The following CSMD1 variants were observed in gnomAD, a reference collection of about 807,000 sequenced individuals.
The protein encoded by CSMD1 is CUB and sushi domain-containing protein 1.
CSMD1 carries 213 observed loss-of-function variants against 417.5 expected under a neutral mutation model. That is an observed-to-expected ratio of 0.51 (90% confidence interval 0.46 to 0.57). CSMD1 has a LOEUF of 0.57. CSMD1 is among the 20% of genes least tolerant of loss of function. The probability of loss-of-function intolerance (pLI) is 0.00; values close to 1 mark genes in which losing one functional copy is unlikely to be tolerated. For synonymous variants in CSMD1, 2,862 were observed against 1,736.8 expected (o/e 1.65, Z -16.11); for missense variants, 6,923 against 4,529.7 (o/e 1.53, Z -15.17).
intron 1 of CSMD1, among the ~76,000 whole-genome samples, chr8:4,858,113 C>T (rs548056824): frequency 2.0e-3 from 307 of 151,520 alleles, no homozygotes; most frequent in Non-Finnish European, 3.4e-3. Flanking sequence ...GTTCAATATA[C>T]GCAAATCAAT....
intron 3 of CSMD1, among the ~76,000 whole-genome samples, chr8:4,061,892 T>C (rs767071672): frequency 6.6e-6 from 1 of 152,172 alleles, no homozygotes; most frequent in South Asian, 2.1e-4. Context: ...CTGAGCATAC[T>C]GGTAAAGTGA....
At chr8:3,106,045 G>T (rs989070578) in intron 46 of CSMD1, among the ~76,000 whole-genome samples, 1 of 152,084 alleles carries the variant, frequency 6.6e-6, no homozygotes, top group Admixed American at 6.6e-5. Flanking sequence ...AGCATCATTA[G>T]ATATTTCTGT....
chr8:3,091,757 G>T, intron 47 of CSMD1, 95 bp from the exon 48 acceptor site: 1 of 1,032,666 alleles, frequency 9.7e-7, no homozygotes, highest in East Asian at 2.7e-5. Flanking sequence ...GAGTCTACGT[G>T]TGCAATACAC....
intron 1 of CSMD1, among the ~76,000 whole-genome samples, chr8:4,796,083 TA>T (rs1397123121): frequency 4.2e-4 from 64 of 152,222 alleles, no homozygotes; most frequent in African/African-American, 1.5e-3. Flanking sequence ...CAAAGACAAG[TA>T]AATGTTCTTA....
At chr8:3,376,163 C>T (rs1221016193) in intron 18 of CSMD1, among the ~76,000 whole-genome samples, 1 of 151,934 alleles carries the variant, frequency 6.6e-6, no homozygotes, top group African/African-American at 2.4e-5. Flanking sequence ...AGAGAGTAAA[C>T]AGTTTTCAAA....
intron 5 of CSMD1, among the ~76,000 whole-genome samples, chr8:3,883,462 G>C (rs960670826): frequency 2.4e-4 from 37 of 152,182 alleles, no homozygotes; most frequent in African/African-American, 8.4e-4. Flanking sequence ...TCGTGTATAA[G>C]TGTGTATATA....
At chr8:3,649,542 A>C (rs1355088745) in intron 7 of CSMD1, among the ~76,000 whole-genome samples, 2 of 152,180 alleles carry the variant, frequency 1.3e-5, no homozygotes, top group East Asian at 3.9e-4. Flanking sequence ...CTTCTTCACA[A>C]GGTGGCAGGA....
intron 41 of CSMD1, among the ~76,000 whole-genome samples, chr8:3,130,825 G>A (rs541217127): frequency 3.3e-5 from 5 of 152,104 alleles, no homozygotes; most frequent in Non-Finnish European, 4.4e-5. Flanking sequence ...GCCTGGGCAC[G>A]GCTGCAGCCT....
intron 5 of CSMD1, among the ~76,000 whole-genome samples, chr8:3,958,434 C>A (rs532688460): frequency 7.8e-4 from 118 of 151,046 alleles, no homozygotes; most frequent in African/African-American, 2.7e-3. Flanking sequence ...AGCATGTGCA[C>A]GTTTTTGAAA....
intron 5 of CSMD1, among the ~76,000 whole-genome samples, chr8:3,930,218 A>G (rs927136851): frequency 1.3e-5 from 2 of 150,342 alleles, no homozygotes; most frequent in African/African-American, 2.5e-5. Context: ...ATACGTGACA[A>G]GTAAAGTAGA....
intron 5 of CSMD1, among the ~76,000 whole-genome samples, chr8:3,842,752 A>T (rs1182496235): frequency 1.3e-5 from 2 of 152,208 alleles, no homozygotes; most frequent in Middle Eastern, 3.2e-3. Flanking sequence ...AACAGAAAAA[A>T]AAAGAAGAGT....
Position 2,935,901 on chromosome 8 carries a change from T to G in CSMD1, c.*2684A>C, listed in dbSNP as rs1226979697. ...ATGTGTGTGTAAAACAAGCAGCAGT[T>G]TTAAACAGCTCTGAAGCACGTGTCC... On this transcript the variant is annotated 3_prime_UTR_variant, in exon 70 of 70. Transcript: ENST00000635120. 1 of 152,208 alleles carries G rather than the reference T, an allele frequency of 6.6e-6. No individual in the cohort carries two copies. Among genetic ancestry groups the G allele is most frequent in the Non-Finnish European group, 1.5e-5 (1 of 68,028 alleles). 9.4% of individuals were successfully genotyped at this position (152,208 alleles called of 1,614,324 possible). A position where few individuals can be genotyped will look rare whatever the true frequency, so the allele number is the denominator to read the frequency against.
Position 4,587,025 on chromosome 8 carries a change from G to C in CSMD1, c.302+50317C>G, listed in dbSNP as rs139207273. On this transcript the variant is annotated intron_variant, in intron 2 of 69. Coordinates refer to ENST00000635120, the MANE Select transcript of CSMD1 (RefSeq NM_033225.6). Reference sequence around the variant, plus strand: ...GAGATACCCATTAAAAATAAGTTTAGTTAATTTTGAATGAATGCTTTCATC... The same window carrying C: ...GAGATACCCATTAAAAATAAGTTTACTTAATTTTGAATGAATGCTTTCATC... Among the ~76,000 whole-genome samples the C allele has an allele frequency of 9.3e-4, 141 of 152,296 alleles. 2 individuals are homozygous for C. The highest frequency in any genetic ancestry group is 6.8e-3 in the Middle Eastern group (2 of 294).
chr8:3,157,793 G>C (rs916058857), intron 39 of CSMD1, 104 bp downstream of exon 39: 10 of 943,640 alleles, frequency 1.1e-5, no homozygotes, highest in Non-Finnish European at 1.7e-5. Context: ...CACGTGTTTT[G>C]AAATTAAGAA....
intron 7 of CSMD1, among the ~76,000 whole-genome samples, chr8:3,644,234 G>C (rs886538625): frequency 1.3e-5 from 2 of 152,206 alleles, no homozygotes; most frequent in Non-Finnish European, 2.9e-5. Flanking sequence ...TCCCCAGGTC[G>C]TTGAGGTGAC....
chr8:4,709,257 G>C (rs1271115272), intron 1 of CSMD1, among the ~76,000 whole-genome samples: 2 of 152,182 alleles, frequency 1.3e-5, no homozygotes, highest in African/African-American at 4.8e-5. Flanking sequence ...GTGGGGAGTA[G>C]AGTTAAAAAT....
intron 1 of CSMD1, among the ~76,000 whole-genome samples, chr8:4,896,119 G>A (rs115316832): frequency 1.1e-4 from 16 of 152,130 alleles, no homozygotes; most frequent in African/African-American, 3.6e-4. Context: ...TGAAATCAAT[G>A]CTACTTTTAG....
At position 4,994,855 on chromosome 8, in the gene CSMD1, GA is replaced by G; in HGVS notation, c.-440del. The G allele has an allele frequency of 5.9e-6, 1 of 170,724 alleles. No homozygotes were observed. The highest frequency in any genetic ancestry group is 1.2e-5 in the Non-Finnish European group (1 of 80,588). The allele number at this position is 170,724 out of a possible 1,614,324, so 10.6% of individuals were successfully genotyped here. A position where few individuals can be genotyped will look rare whatever the true frequency, so the allele number is the denominator to read the frequency against. On this transcript the variant is annotated 5_prime_UTR_variant, in exon 1 of 70. Coordinates refer to ENST00000635120, the MANE Select transcript of CSMD1 (RefSeq NM_033225.6). The stretch of plus-strand genomic sequence containing the variant: ...GGGGAGGAGAGATCCAGTCTAGAGA[GA>G]AAAGGCGGAGAGCGCAGAAGAAGGG...
chr8:3,089,692 GAGAT>G (rs146780046), intron 48 of CSMD1, among the ~76,000 whole-genome samples: 46 of 152,250 alleles, frequency 3.0e-4, no homozygotes, highest in African/African-American at 6.5e-4. Flanking sequence ...AAAAAGCTGT[GAGAT>G]AGATAAAGAA....
Sources: allele counts gnomAD v4.1 joint callset (sites outside exome capture counted in the v4.1 genomes callset), GRCh38; gene constraint gnomAD v4.1.1; transcripts MANE v1.5; gene names NCBI Gene and HGNC (gene_info 2026-07-23, HGNC 2026-07-21).